The following AGPS variants were observed in gnomAD, a reference collection of about 807,000 sequenced individuals.
The protein encoded by AGPS is alkylglycerone phosphate synthase, also known as alkyldihydroxyacetonephosphate synthase, peroxisomal.
In AGPS, 26 loss-of-function variants were observed where a neutral mutation model predicts 90.7. That is an observed-to-expected ratio of 0.29 (90% CI 0.21 to 0.40). AGPS has a LOEUF of 0.40. AGPS is among the 10% of genes least tolerant of loss of function. The probability of loss-of-function intolerance (pLI) is 1.00; values close to 1 mark genes in which losing one functional copy is unlikely to be tolerated. For missense variants in AGPS, 540 were observed against 816.1 expected (o/e 0.66, Z 4.12); for synonymous variants, 294 against 285.3 (o/e 1.03, Z -0.31).
intron 15 of AGPS, 38 bp from the exon 16 acceptor site, chr2:177,507,932 G>T: frequency 7.4e-7 from 1 of 1,352,514 alleles, no homozygotes; most frequent in Non-Finnish European, 1.1e-6. Context: ...TTCTGCATCT[G>T]TTGTAGTTTC....
intron 11 of AGPS, among the ~76,000 whole-genome samples, chr2:177,490,224 A>T (rs1265492142): frequency 6.6e-6 from 1 of 152,156 alleles, no homozygotes; most frequent in Non-Finnish European, 1.5e-5. Flanking sequence ...AATTATTTGA[A>T]TTATAAGAAA....
At chr2:177,515,402 G>A (rs1163877137) in intron 17 of AGPS, among the ~76,000 whole-genome samples, 1 of 152,024 alleles carries the variant, frequency 6.6e-6, no homozygotes. Context: ...ATCTATTCTT[G>A]TGTAGTTGAG....
intron 3 of AGPS, 83 bp downstream of exon 3, chr2:177,434,500 A>G (rs1328624534): frequency 2.8e-6 from 3 of 1,071,380 alleles, no homozygotes; most frequent in East Asian, 2.6e-5. Flanking sequence ...GTAATTCATT[A>G]TATTGGATTT....
chr2:177,433,146 G>T (rs1230236079), intron 2 of AGPS, among the ~76,000 whole-genome samples: 1 of 152,178 alleles, frequency 6.6e-6, no homozygotes, highest in Non-Finnish European at 1.5e-5. Flanking sequence ...TGTCTAATAT[G>T]TGTATCTTTC....
At position 177,538,373 on chromosome 2, in the gene AGPS, A is replaced by T. The variant is rs2079202517; in HGVS notation, c.*178A>T. Reference sequence around the variant, plus strand: ...TTTCTACATCTATGGATTGACAGATAGTATTCCTAAATCTCTCTCATTGTA... The same window carrying T: ...TTTCTACATCTATGGATTGACAGATTGTATTCCTAAATCTCTCTCATTGTA... On this transcript the variant is annotated 3_prime_UTR_variant, in exon 20 of 20. Transcript: ENST00000264167. 3.0e-6 allele frequency: 2 copies of T among 675,212 alleles called. No individual in the cohort carries two copies. The highest frequency in any genetic ancestry group is 2.0e-5 in the South Asian group (1 of 51,270). The allele number at this position is 675,212 out of a possible 1,614,324, so 41.8% of individuals were successfully genotyped here.
chr2:177,411,003 T>C (rs1218514312), intron 1 of AGPS, among the ~76,000 whole-genome samples: 1 of 152,172 alleles, frequency 6.6e-6, no homozygotes, highest in Non-Finnish European at 1.5e-5. Flanking sequence ...TATTAGGCAT[T>C]CAACTTGCCC....
At position 177,422,039 on chromosome 2, in the gene AGPS, C is replaced by T. The variant is rs1213879953; in HGVS notation, c.350+1681C>T. On this transcript the variant is annotated intron_variant, in intron 2 of 19. Transcript: ENST00000264167. ...GTGAAATGAATGACTAGTCATAAAA[C>T]ATCACAGGTAATTATACCTTAGTGG... Among the ~76,000 whole-genome samples the T allele has an allele frequency of 2.6e-5, 4 of 152,168 alleles. No homozygotes were observed. In the East Asian group the frequency reaches 7.7e-4, roughly 29 times the overall value.
At chr2:177,452,286 T>C (rs1362324401) in intron 8 of AGPS, among the ~76,000 whole-genome samples, 2 of 152,204 alleles carry the variant, frequency 1.3e-5, no homozygotes. Context: ...TATTAAAACC[T>C]CCAACAGTAA....
chr2:177,496,619 A>G (rs988715176), intron 12 of AGPS, among the ~76,000 whole-genome samples: 1 of 152,124 alleles, frequency 6.6e-6, no homozygotes, highest in African/African-American at 2.4e-5. Flanking sequence ...CAGGTATAGC[A>G]TAGATATCTA....
intron 12 of AGPS, among the ~76,000 whole-genome samples, chr2:177,495,286 T>C (rs546020754): frequency 1.3e-5 from 2 of 152,316 alleles, no homozygotes; most frequent in Non-Finnish European, 2.9e-5. Flanking sequence ...AAATCCTAGA[T>C]GGCATAGTGC....
intron 1 of AGPS, among the ~76,000 whole-genome samples, chr2:177,418,949 T>C (rs1685867201): frequency 6.6e-6 from 1 of 151,992 alleles, no homozygotes; most frequent in Non-Finnish European, 1.5e-5. Flanking sequence ...AAATATTTGG[T>C]GTTAGTTTAT....
At chr2:177,523,574 G>A (rs1689263064) in intron 18 of AGPS, among the ~76,000 whole-genome samples, 174 bp from the exon 19 acceptor site, 1 of 152,158 alleles carries the variant, frequency 6.6e-6, no homozygotes, top group African/African-American at 2.4e-5. Flanking sequence ...TATGAAGCTA[G>A]GCTACTTATT....
At chr2:177,497,185 C>G (rs1296493777) in intron 12 of AGPS, among the ~76,000 whole-genome samples, 1 of 151,860 alleles carries the variant, frequency 6.6e-6, no homozygotes, top group Non-Finnish European at 1.5e-5. Context: ...ATTAAGGAAG[C>G]AATTGCTAGT....
At chr2:177,417,027 G>A (rs1685806581) in intron 1 of AGPS, among the ~76,000 whole-genome samples, 1 of 152,132 alleles carries the variant, frequency 6.6e-6, no homozygotes, top group East Asian at 1.9e-4. Context: ...CTGAATGGCA[G>A]AATTCATTAC....
At position 177,482,157 on chromosome 2, in the gene AGPS, G is replaced by A. The variant is rs201282509; in HGVS notation, c.1204G>A (p.Val402Ile). ...AGCTTTCCCTAATTTTGAACAAGGA[G>A]TAGCCTGTTTAAGAGAAATTGCAAA... ...SVAFPNFEQG[V>I]ACLREIAKQR... The change falls in exon 11 of 20, where the codon GTA (valine) becomes ATA (isoleucine). Residue 402 changes from valine (V) to isoleucine (I), a missense_variant. This residue lies in a region of AGPS where 405 missense variants were observed against 692.1 expected (regional missense o/e 0.59). Transcript: ENST00000264167. 85 of 1,599,900 alleles carry A rather than the reference G, an allele frequency of 5.3e-5. No homozygotes were observed. The Middle Eastern group carries it at 6.7e-4, about 13-fold the overall frequency.
intron 8 of AGPS, among the ~76,000 whole-genome samples, chr2:177,452,507 G>A (rs1005037811): frequency 5.3e-5 from 8 of 151,964 alleles, no homozygotes; most frequent in African/African-American, 1.9e-4. Context: ...AGTTTTCTTA[G>A]CATGGTATAT....
rs2079236018 is a variant in AGPS, at chr2:177,541,612, C to T, written c.*3417C>T. Reference sequence around the variant, plus strand: ...ATAATTTTTTTGTTTACCACTTAATCTTTATCAACTTTGATTTTAGTTAGG... The same window carrying T: ...ATAATTTTTTTGTTTACCACTTAATTTTTATCAACTTTGATTTTAGTTAGG... On this transcript the variant is annotated 3_prime_UTR_variant, in exon 20 of 20. Coordinates refer to ENST00000264167, the MANE Select transcript of AGPS (RefSeq NM_003659.4). 1 of 152,134 alleles carries T rather than the reference C, an allele frequency of 6.6e-6. No homozygotes were observed. Among genetic ancestry groups the T allele is most frequent in the Admixed American group, 6.6e-5 (1 of 15,264 alleles). 9.4% of individuals were successfully genotyped at this position (152,134 alleles called of 1,614,324 possible).
In AGPS at chr2:177,482,108, T is replaced by C. The variant is rs1195065947; in HGVS notation, c.1155T>C (p.Pro385=). The C allele has an allele frequency of 1.2e-6, 2 of 1,606,180 alleles. No homozygotes were observed. Among genetic ancestry groups the C allele is most frequent in the African/African-American group, 1.3e-5 (1 of 74,856 alleles). The part of the protein sequence containing the change: ...TEATIKIRPV[P]EYQKYGSVAF... ...CTACAATAAAAATCAGACCAGTCCC[T>C]GAATACCAAAAGTATGGCTCAGTAG... The change falls in exon 11 of 20, where the codon CCT becomes CCC. Residue 385 remains proline (P), a synonymous_variant. Transcript: ENST00000264167.
chr2:177,405,942 A>T (rs1012007057), intron 1 of AGPS, among the ~76,000 whole-genome samples: 3 of 152,098 alleles, frequency 2.0e-5, no homozygotes, highest in Non-Finnish European at 4.4e-5. Context: ...CCAACTCAGC[A>T]TTCATGTGTA....
Sources: gnomAD v4.1 joint callset for allele counts (sites outside exome capture counted in the v4.1 genomes callset) on GRCh38, gnomAD v4.1.1 for gene constraint, gnomAD v4.1.1 regional missense constraint, MANE v1.5 for transcripts, NCBI Gene and HGNC (gene_info 2026-07-23, HGNC 2026-07-21) for gene names.